The following PHF21A variants were observed in gnomAD, a reference collection of about 807,000 sequenced individuals.
PHF21A encodes PHD finger protein 21A, also known as BHC80a.
In PHF21A, 11 loss-of-function variants were observed where a neutral mutation model predicts 82.5. That is an observed-to-expected ratio of 0.13 (90% CI 0.08 to 0.22). The LOEUF (loss-of-function observed/expected upper bound fraction) is 0.22. PHF21A is among the 10% of genes least tolerant of loss of function. The pLI, the probability that PHF21A is intolerant of heterozygous loss-of-function variation, is 1.00. For synonymous variants in PHF21A, 297 were observed against 302.8 expected (o/e 0.98, Z 0.20); for missense variants, 579 against 837.8 (o/e 0.69, Z 3.81).
At chr11:46,066,324 G>A (rs745588125) in intron 6 of PHF21A, among the ~76,000 whole-genome samples, 13 of 152,112 alleles carry the variant, frequency 8.5e-5, no homozygotes, top group Non-Finnish European at 1.5e-4. Context: ...TGAGCCATAT[G>A]TACATACATA....
At chr11:46,014,236 C>T (rs890522645) in intron 6 of PHF21A, among the ~76,000 whole-genome samples, 2 of 152,186 alleles carry the variant, frequency 1.3e-5, no homozygotes, top group Non-Finnish European at 2.9e-5. Context: ...CAATGTTTAA[C>T]TCCCACTTAT....
At chr11:45,956,570 C>T (rs2092655990) in intron 10 of PHF21A, among the ~76,000 whole-genome samples, 1 of 152,002 alleles carries the variant, frequency 6.6e-6, no homozygotes, top group African/African-American at 2.4e-5. Flanking sequence ...TGAAACCATA[C>T]AAGCAGGGTT....
chr11:46,059,237 A>C (rs2139426388), intron 6 of PHF21A, among the ~76,000 whole-genome samples: 1 of 152,342 alleles, frequency 6.6e-6, no homozygotes, highest in Admixed American at 6.5e-5. Context: ...GGAATAATTT[A>C]AACGTCTAAA....
rs914407830 is a variant in PHF21A, at chr11:45,944,606, T to G, written c.1452+1234A>C. On this transcript the variant is annotated intron_variant, in intron 15 of 18. Transcript: ENST00000676320. ...CTCTGCCCCCGCTATCCTGGCCCTC[T>G]TGCTTTTCTTTCAGGATGCCATGTA... Among the ~76,000 whole-genome samples the G allele has an allele frequency of 6.6e-5, 10 of 152,316 alleles. No individual in the cohort carries two copies. The East Asian group carries it at 1.9e-3, about 29-fold the overall frequency.
chr11:46,061,148 A>G (rs2139486282), intron 6 of PHF21A, among the ~76,000 whole-genome samples: 2 of 152,110 alleles, frequency 1.3e-5, no homozygotes, highest in Non-Finnish European at 1.5e-5. Context: ...TGGGTTCTGT[A>G]TTCTGTTCTA....
chr11:45,975,079 T>G (rs539898000), intron 7 of PHF21A, among the ~76,000 whole-genome samples: 10 of 152,164 alleles, frequency 6.6e-5, no homozygotes, highest in Non-Finnish European at 1.2e-4. Context: ...TTTGGGAGGC[T>G]AAGGTGGGCG....
chr11:45,997,102 G>C (rs1219715757), intron 6 of PHF21A, among the ~76,000 whole-genome samples: 1 of 152,186 alleles, frequency 6.6e-6, no homozygotes, highest in Non-Finnish European at 1.5e-5. Flanking sequence ...TAGTATTTCT[G>C]AAAGTGTTTG....
chr11:46,076,952 A>G (rs943798291), intron 5 of PHF21A, 133 bp from the exon 6 acceptor site: 4 of 668,060 alleles, frequency 6.0e-6, no homozygotes, highest in Non-Finnish European at 1.1e-5. Context: ...TCTGTCATGC[A>G]TTACACTGTG....
At chr11:45,956,819 C>A (rs2092676649) in intron 10 of PHF21A, among the ~76,000 whole-genome samples, 1 of 152,128 alleles carries the variant, frequency 6.6e-6, no homozygotes, top group Non-Finnish European at 1.5e-5. Context: ...TCCCTCCTTA[C>A]CAGTAATCAC....
intron 10 of PHF21A, among the ~76,000 whole-genome samples, chr11:45,958,443 T>TACACAC (rs1387185684): frequency 7.9e-5 from 2 of 25,228 alleles, no homozygotes; most frequent in South Asian, 1.6e-3. Context: ...TATATATATA[T>TACACAC]ATATATACAC....
chr11:46,007,438 T>C (rs996439022), intron 6 of PHF21A, among the ~76,000 whole-genome samples: 5 of 151,996 alleles, frequency 3.3e-5, no homozygotes, highest in African/African-American at 1.2e-4. Context: ...CTCAGCCTCC[T>C]GAGTAGCTGG....
At chr11:46,053,960 T>G (rs779766024) in intron 6 of PHF21A, among the ~76,000 whole-genome samples, 13 of 152,174 alleles carry the variant, frequency 8.5e-5, no homozygotes, top group Non-Finnish European at 1.9e-4. Context: ...CTGCTAAAAA[T>G]TGGCAGCATC....
chr11:46,032,456 G>T (rs531470811), intron 6 of PHF21A, among the ~76,000 whole-genome samples: 1 of 149,902 alleles, frequency 6.7e-6, no homozygotes, highest in African/African-American at 2.5e-5. Context: ...TTCTTAACAA[G>T]TGCACTCACA....
At chr11:45,950,593 C>T (rs1455489897) in intron 11 of PHF21A, among the ~76,000 whole-genome samples, 2 of 151,922 alleles carry the variant, frequency 1.3e-5, no homozygotes, top group South Asian at 4.2e-4. Flanking sequence ...TGTGTGGGGC[C>T]GCATTCAAAG....
intron 18 of PHF21A, chr11:45,934,997 CCAA>C: frequency 1.4e-6 from 1 of 699,006 alleles, no homozygotes; most frequent in Non-Finnish European, 2.2e-6. Flanking sequence ...TCACTTCACT[CCAA>C]CAAGGGTGAC....
At chr11:45,982,373 CCTCT>C (rs781450296) in intron 6 of PHF21A, among the ~76,000 whole-genome samples, 32 of 152,080 alleles carry the variant, frequency 2.1e-4, no homozygotes, top group Non-Finnish European at 3.7e-4. Context: ...GCTAGCACTG[CCTCT>C]CTGAGTAAAT....
rs1390785569 is a variant in PHF21A at position 46,014,987 on chromosome 11, A to T, written c.154-35021T>A. Among the ~76,000 whole-genome samples the T allele has an allele frequency of 6.4e-5, 3 of 46,588 alleles. 1 individual carries two copies. The highest frequency in any genetic ancestry group is 5.5e-4 in the African/African-American group (2 of 3,636). 30.6% of individuals were successfully genotyped at this position (46,588 alleles called of 152,430 possible). A position where few individuals can be genotyped will look rare whatever the true frequency, so the allele number is the denominator to read the frequency against. ...AGAGCGAGACTCCGTCTCAAAAAAA[A>T]AAAAAAATAAAAATAAAAAAATAAA... On this transcript the variant is annotated intron_variant, in intron 6 of 18. Coordinates refer to ENST00000676320, the MANE Select transcript of PHF21A (RefSeq NM_001352027.3).
chr11:46,049,717 C>T (rs1005096143), intron 6 of PHF21A, among the ~76,000 whole-genome samples: 5 of 152,194 alleles, frequency 3.3e-5, no homozygotes, highest in South Asian at 4.1e-4. Context: ...GTCCCCTCCA[C>T]GTTCCATATT....
In PHF21A at chr11:45,931,793, G is replaced by A. The variant is rs2087674036; in HGVS notation, c.*2175C>T. 1 of 152,200 alleles carries A rather than the reference G, an allele frequency of 6.6e-6. No homozygotes were observed. The highest frequency in any genetic ancestry group is 1.5e-5 in the Non-Finnish European group (1 of 68,120). 9.4% of individuals were successfully genotyped at this position (152,200 alleles called of 1,614,324 possible). A position where few individuals can be genotyped will look rare whatever the true frequency, so the allele number is the denominator to read the frequency against. Reference sequence around the variant, plus strand: ...CCTCCCATCGGCCAGGGGCACGCAAGGGGCAAAGGTCTCCAGCGAGAGCAC... The same window carrying A: ...CCTCCCATCGGCCAGGGGCACGCAAAGGGCAAAGGTCTCCAGCGAGAGCAC... On this transcript the variant is annotated 3_prime_UTR_variant, in exon 19 of 19. Transcript: ENST00000676320.
Sources: gnomAD v4.1 joint callset for allele counts (sites outside exome capture counted in the v4.1 genomes callset) on GRCh38, gnomAD v4.1.1 for gene constraint, MANE v1.5 for transcripts, NCBI Gene and HGNC (gene_info 2026-07-23, HGNC 2026-07-21) for gene names.